Variants in OCA2 observed in about 807,000 individuals in gnomAD.
OCA2 encodes P protein.
In OCA2, 77 loss-of-function variants were observed where a neutral mutation model predicts 100.2. That is an observed-to-expected ratio of 0.77 (90% confidence interval 0.64 to 0.93). OCA2 has a LOEUF of 0.93. OCA2 is among the 40% of genes least tolerant of loss of function. OCA2 has a pLI of 0.00. For missense variants in OCA2, 1,062 were observed against 1,089.1 expected, an observed-to-expected ratio of 0.98 and a Z score of 0.35; for synonymous variants, 432 against 439.2, an observed-to-expected ratio of 0.98 and a Z score of 0.21.
intron 1 of OCA2, among the ~76,000 whole-genome samples, chr15:28,096,239 T>C (rs1462284224): frequency 7.8e-5 from 11 of 141,270 alleles, no homozygotes; most frequent in Admixed American, 7.8e-4. Flanking sequence ...TTGTGTCTCC[T>C]GGGGCGTGGT....
chr15:27,966,874 G>T, intron 14 of OCA2, 52 bp from the exon 15 acceptor site: 22 of 1,565,668 alleles, frequency 1.4e-5, no homozygotes, highest in Non-Finnish European at 1.7e-5. Context: ...GGTGGCTCAC[G>T]CCTGTAATCC....
chr15:27,842,871 G>A (rs1310166245), intron 23 of OCA2, among the ~76,000 whole-genome samples: 1 of 152,154 alleles, frequency 6.6e-6, no homozygotes, highest in Non-Finnish European at 1.5e-5. Flanking sequence ...CACACCAAAT[G>A]CAAGAACTAT....
intron 2 of OCA2, among the ~76,000 whole-genome samples, chr15:28,058,338 G>A (rs1038214509): frequency 1.3e-5 from 2 of 152,256 alleles, no homozygotes; most frequent in Non-Finnish European, 2.9e-5. Context: ...CGTCTGCAAT[G>A]TCCTCTGGGA....
chr15:28,019,770 G>A (rs1051090541), intron 6 of OCA2, among the ~76,000 whole-genome samples: 5 of 152,182 alleles, frequency 3.3e-5, no homozygotes, highest in Admixed American at 6.5e-5. Flanking sequence ...CCTACCTCAC[G>A]CCTATACTGC....
intron 23 of OCA2, among the ~76,000 whole-genome samples, chr15:27,783,802 C>T (rs181554126): frequency 6.6e-6 from 1 of 152,350 alleles, no homozygotes; most frequent in African/African-American, 2.4e-5. Context: ...CCTTGTGGCT[C>T]AGGCCTGGCA....
At chr15:27,792,201 C>A (rs1417849568) in intron 23 of OCA2, among the ~76,000 whole-genome samples, 3 of 152,090 alleles carry the variant, frequency 2.0e-5, no homozygotes, top group Non-Finnish European at 4.4e-5. Flanking sequence ...CCATCTTCTC[C>A]TTTCCTTTCT....
chr15:27,897,836 C>T (rs974862253), intron 19 of OCA2, among the ~76,000 whole-genome samples: 5 of 152,158 alleles, frequency 3.3e-5, no homozygotes, highest in East Asian at 1.9e-4. Flanking sequence ...GCAGCGGGGA[C>T]GGAGGCTGTA....
chr15:27,750,815 A>G (rs938846052), downstream of OCA2, among the ~76,000 whole-genome samples: 8 of 152,248 alleles, frequency 5.3e-5, no homozygotes, highest in Non-Finnish European at 7.3e-5. Context: ...AGGCAAGTGG[A>G]TCACAGAGCT....
chr15:28,014,058 G>A (rs2042314425), intron 9 of OCA2, among the ~76,000 whole-genome samples: 1 of 152,048 alleles, frequency 6.6e-6, no homozygotes, highest in East Asian at 1.9e-4. Context: ...ACATCCCCAG[G>A]TATTTCTCAG....
intron 1 of OCA2, among the ~76,000 whole-genome samples, chr15:28,098,736 G>A (rs1451193751): frequency 2.6e-5 from 4 of 152,320 alleles, no homozygotes; most frequent in East Asian, 3.9e-4. Context: ...TCCTTGAAAA[G>A]AGCTAGCTGC....
chr15:27,991,070 T>C (rs151017992), intron 9 of OCA2, among the ~76,000 whole-genome samples: 282 of 152,342 alleles, frequency 1.9e-3, no homozygotes, highest in African/African-American at 6.5e-3. Context: ...AATTGAGATG[T>C]CTGTGTTATC....
chr15:27,823,889 T>A (rs541248514), intron 23 of OCA2, among the ~76,000 whole-genome samples: 8 of 152,342 alleles, frequency 5.3e-5, no homozygotes, highest in African/African-American at 1.9e-4. Context: ...ATTGCAATAC[T>A]AAGGAGCTTA....
chr15:28,096,035 G>A (rs1391626011), intron 1 of OCA2, among the ~76,000 whole-genome samples: 2 of 152,166 alleles, frequency 1.3e-5, no homozygotes, highest in Admixed American at 6.5e-5. Flanking sequence ...CACAGGGCAT[G>A]GCTGTGTCTC....
chr15:27,972,874 TTTTA>T (rs2040847974), intron 14 of OCA2, among the ~76,000 whole-genome samples: 3 of 47,862 alleles, frequency 6.3e-5, no homozygotes, highest in African/African-American at 1.2e-4. Context: ...TTTTATTTTA[TTTTA>T]TTTTTGTGAC....
chr15:27,829,279 TGATAGATAGATA>T (rs56223349), intron 23 of OCA2, among the ~76,000 whole-genome samples: 32,438 of 107,478 alleles, frequency 0.3, 4,567 homozygotes, highest in East Asian at 0.67. Context: ...AGAAGATAGA[TGATAGATAGATA>T]GATAGATAGA....
intron 23 of OCA2, among the ~76,000 whole-genome samples, chr15:27,788,683 A>T (rs554107237): frequency 6.6e-5 from 10 of 152,196 alleles, no homozygotes; most frequent in South Asian, 6.2e-4. Context: ...ATGCAATTTA[A>T]TTGGAGTCTT....
At chr15:27,992,687 A>G (rs2041595918) in intron 9 of OCA2, among the ~76,000 whole-genome samples, 1 of 152,190 alleles carries the variant, frequency 6.6e-6, no homozygotes, top group Non-Finnish European at 1.5e-5. Context: ...GGATGACAGG[A>G]GGAAGTCACT....
chr15:27,818,018 A>G (rs980801892), intron 23 of OCA2, among the ~76,000 whole-genome samples: 2 of 152,230 alleles, frequency 1.3e-5, no homozygotes, highest in African/African-American at 4.8e-5. Flanking sequence ...AAGACTGAAA[A>G]CATCCATTCA....
At chr15:27,875,384 C>T (rs986506824) in intron 19 of OCA2, among the ~76,000 whole-genome samples, 1 of 152,054 alleles carries the variant, frequency 6.6e-6, no homozygotes, top group Non-Finnish European at 1.5e-5. Context: ...TATCTTTTGC[C>T]AGGACCACAG....
Sources: gnomAD v4.1 joint callset for allele counts (sites outside exome capture counted in the v4.1 genomes callset) on GRCh38, gnomAD v4.1.1 for gene constraint, MANE v1.5 for transcripts, NCBI Gene and HGNC (gene_info 2026-07-23, HGNC 2026-07-21) for gene names.